Variants in GULP1 observed in about 807,000 individuals in gnomAD.
GULP1 encodes the protein GULP PTB domain containing engulfment adaptor 1.
A neutral mutation model predicts 40.9 loss-of-function variants in GULP1; 19 were observed. That is an observed-to-expected ratio of 0.46 (90% CI 0.32 to 0.68). GULP1 has a LOEUF of 0.68. GULP1 is among the 30% of genes least tolerant of loss of function. The pLI is 0.03. For synonymous variants in GULP1, 119 were observed against 117.6 expected (o/e 1.01, Z -0.08); for missense variants, 312 against 362.2 (o/e 0.86, Z 1.12).
intron 4 of GULP1, 35 bp downstream of exon 4, chr2:188,483,527 T>C: frequency 1.1e-6 from 1 of 889,216 alleles, no homozygotes; most frequent in Non-Finnish European, 1.7e-6. Context: ...AATTTTATTT[T>C]GTTATAGTAT....
intron 2 of GULP1, among the ~76,000 whole-genome samples, chr2:188,403,481 A>G (rs762144143): frequency 1.1e-4 from 16 of 152,204 alleles, no homozygotes; most frequent in Admixed American, 2.0e-4. Context: ...TGATAAATCT[A>G]TGATAAACGA....
At chr2:188,383,298 A>C (rs562792982) in intron 1 of GULP1, among the ~76,000 whole-genome samples, 3 of 152,358 alleles carry the variant, frequency 2.0e-5, no homozygotes, top group African/African-American at 7.2e-5. Flanking sequence ...AGGATAAGCT[A>C]TCTAAATGCC....
rs546556756 is a variant in GULP1, at chr2:188,344,356, G to C, written c.-171-39407G>C. On this transcript the variant is annotated intron_variant, in intron 1 of 11. Coordinates refer to ENST00000409830, the MANE Select transcript of GULP1 (RefSeq NM_016315.4). ...CACCAGTAGGTGTGGTTGACACTTCGATGGAGAGAATCAGTCTGGTGAGTG... is the reference window on the plus strand; with the variant it reads ...CACCAGTAGGTGTGGTTGACACTTCCATGGAGAGAATCAGTCTGGTGAGTG... Among the ~76,000 whole-genome samples, 7 of 152,296 alleles carry C rather than the reference G, an allele frequency of 4.6e-5. No individual in the cohort carries two copies. The East Asian group carries it at 1.2e-3, about 25-fold the overall frequency.
intron 10 of GULP1, among the ~76,000 whole-genome samples, chr2:188,585,825 G>A (rs1246719668): frequency 1.3e-5 from 2 of 152,148 alleles, no homozygotes; most frequent in East Asian, 1.9e-4. Context: ...TTAACATTCA[G>A]CTCCTTTTTA....
chr2:188,312,534 A>G (rs535910180), intron 1 of GULP1, among the ~76,000 whole-genome samples: 8 of 152,278 alleles, frequency 5.3e-5, no homozygotes, highest in African/African-American at 1.9e-4. Context: ...CGTTTTCTTT[A>G]TCCAGTCTAT....
At chr2:188,549,853 C>G (rs546411939) in intron 7 of GULP1, among the ~76,000 whole-genome samples, 9 of 151,806 alleles carry the variant, frequency 5.9e-5, no homozygotes, top group Admixed American at 3.3e-4. Flanking sequence ...AGCCTGTGTA[C>G]TCTATGATTC....
chr2:188,558,207 G>T (rs1559377573), intron 7 of GULP1, among the ~76,000 whole-genome samples: 1 of 152,074 alleles, frequency 6.6e-6, no homozygotes, highest in Non-Finnish European at 1.5e-5. Flanking sequence ...ATCTTGAATT[G>T]TACTCCCATA....
rs777255415 is a variant in GULP1 at position 188,529,160 on chromosome 2, A to G, written c.226A>G (p.Ile76Val). The G allele has an allele frequency of 1.3e-5, 20 of 1,585,064 alleles. No individual in the cohort carries two copies. Among genetic ancestry groups the G allele is most frequent in the Admixed American group, 3.4e-5 (2 of 58,254 alleles). ...KIPKVELQISIYGVKILEPKT... is the reference protein window; with the variant it reads ...KIPKVELQISVYGVKILEPKT... ...TCCTAAAGTGGAGTTGCAAATATCA[A>G]TTTATGGAGTAAAAATTCTAGAACC... Residue 76 changes from isoleucine (I) to valine (V), a missense_variant, in exon 6 of 12, where the codon ATT becomes GTT. Coordinates refer to ENST00000409830, the MANE Select transcript of GULP1 (RefSeq NM_016315.4).
intron 9 of GULP1, among the ~76,000 whole-genome samples, chr2:188,570,898 C>A (rs1698882092): frequency 6.6e-6 from 1 of 152,118 alleles, no homozygotes; most frequent in Non-Finnish European, 1.5e-5. Flanking sequence ...TGGCTTATAT[C>A]TGTAATCCCA....
chr2:188,455,329 G>C (rs767485104), intron 2 of GULP1, among the ~76,000 whole-genome samples: 1 of 152,032 alleles, frequency 6.6e-6, no homozygotes, highest in East Asian at 1.9e-4. Context: ...ACATGATGTG[G>C]TGTGGCTGTG....
intron 2 of GULP1, among the ~76,000 whole-genome samples, chr2:188,398,157 A>G (rs2051559987): frequency 6.6e-6 from 1 of 152,214 alleles, no homozygotes; most frequent in South Asian, 2.1e-4. Context: ...GACACAAGCC[A>G]AGGAGGAGTC....
chr2:188,301,238 T>A (rs1255705604), intron 1 of GULP1, among the ~76,000 whole-genome samples: 1 of 152,122 alleles, frequency 6.6e-6, no homozygotes, highest in African/African-American at 2.4e-5. Context: ...TGCCCAGGCT[T>A]GTCTAGAACT....
chr2:188,402,107 T>C (rs1242116873), intron 2 of GULP1, among the ~76,000 whole-genome samples: 2 of 152,170 alleles, frequency 1.3e-5, no homozygotes, highest in African/African-American at 4.8e-5. Flanking sequence ...TAATGGATGA[T>C]ATGATGATGC....
At chr2:188,552,856 T>TC (rs1693819110) in intron 7 of GULP1, among the ~76,000 whole-genome samples, 1 of 150,388 alleles carries the variant, frequency 6.6e-6, no homozygotes, top group African/African-American at 2.4e-5. Flanking sequence ...TTTATTCATA[T>TC]ATATATATAT....
chr2:188,417,276 G>C, intron 2 of GULP1, among the ~76,000 whole-genome samples: 1 of 152,106 alleles, frequency 6.6e-6, no homozygotes, highest in East Asian at 1.9e-4. Context: ...ATGGCTCATT[G>C]GATTATAAAG....
At chr2:188,411,349 TCTG>T (rs1352132554) in intron 2 of GULP1, among the ~76,000 whole-genome samples, 2 of 152,208 alleles carry the variant, frequency 1.3e-5, no homozygotes, top group African/African-American at 4.8e-5. Flanking sequence ...AGTGTTGGTC[TCTG>T]CTGCTGACAA....
In GULP1 at chr2:188,493,355, G is replaced by A. The variant is rs548689404; in HGVS notation, c.90+9863G>A. 6.3e-4 allele frequency among the ~76,000 whole-genome samples: 95 copies of A among 151,980 alleles called. 1 individual carries two copies. Among genetic ancestry groups the A allele is most frequent in the African/African-American group, 1.9e-3 (79 of 41,500 alleles). ...CTTGAAGGGGTCTTACTTTTTCTTC[G>A]ATGCCTGAGACTTCATTTTTTATCC... On this transcript the variant is annotated intron_variant, in intron 4 of 11. Coordinates refer to ENST00000409830, the MANE Select transcript of GULP1 (RefSeq NM_016315.4).
intron 7 of GULP1, among the ~76,000 whole-genome samples, chr2:188,567,598 T>G (rs1698042588): frequency 6.6e-6 from 1 of 151,746 alleles, no homozygotes; most frequent in Non-Finnish European, 1.5e-5. Context: ...TGAGAACACA[T>G]GGACACAGAG....
At chr2:188,537,194 T>G (rs745315241) in intron 6 of GULP1, among the ~76,000 whole-genome samples, 3 of 152,062 alleles carry the variant, frequency 2.0e-5, no homozygotes, top group Non-Finnish European at 2.9e-5. Context: ...TACTGTCTGA[T>G]TCCTCTGGCA....
Sources: allele counts gnomAD v4.1 joint callset (sites outside exome capture counted in the v4.1 genomes callset), GRCh38; gene constraint gnomAD v4.1.1; transcripts MANE v1.5; gene names NCBI Gene and HGNC (gene_info 2026-07-23, HGNC 2026-07-21).